AUTS2: variants seen among roughly 807,000 people sequenced by gnomAD.
AUTS2 encodes the protein activator of transcription and developmental regulator AUTS2.
In AUTS2, 17 loss-of-function variants were observed where a neutral mutation model predicts 112.4. The observed-to-expected ratio is 0.15, with a 90% CI of 0.10 to 0.23. AUTS2 has a LOEUF of 0.23. AUTS2 is among the 10% of genes least tolerant of loss of function. AUTS2 has a pLI of 1.00. For synonymous variants in AUTS2, 751 were observed against 702.7 expected (o/e 1.07, Z -1.09); for missense variants, 1,510 against 1,701.6 (o/e 0.89, Z 1.98).
At chr7:70,554,393 C>CTTTTTTTTTT (rs34757734) in intron 5 of AUTS2, among the ~76,000 whole-genome samples, 23 of 116,048 alleles carry the variant, frequency 2.0e-4, no homozygotes, top group East Asian at 4.9e-4. Flanking sequence ...TCTTTTCTTT[C>CTTTTTTTTTT]TTTTTTTTTT....
chr7:70,109,765 TATG>T (rs2129571140), intron 2 of AUTS2, among the ~76,000 whole-genome samples: 2 of 152,284 alleles, frequency 1.3e-5, no homozygotes, highest in East Asian at 3.9e-4. Flanking sequence ...AGGAGGTTAT[TATG>T]GGGCATGTCC....
At chr7:70,500,564 G>T (rs541471580) in intron 5 of AUTS2, among the ~76,000 whole-genome samples, 13 of 152,184 alleles carry the variant, frequency 8.5e-5, no homozygotes, top group Non-Finnish European at 1.3e-4. Flanking sequence ...CCATTCAGGG[G>T]CGGGATGAAG....
rs535763535 is a variant in AUTS2 at position 70,071,274 on chromosome 7, G to A, written c.523-46858G>A. Among the ~76,000 whole-genome samples, 894 of 152,238 alleles carry A rather than the reference G, an allele frequency of 5.9e-3. 2 individuals are homozygous for A. Among genetic ancestry groups the A allele is most frequent in the Admixed American group, 0.011 (166 of 15,290 alleles). On this transcript the variant is annotated intron_variant, in intron 2 of 18. Coordinates refer to ENST00000342771, the MANE Select transcript of AUTS2 (RefSeq NM_015570.4). Reference sequence around the variant, plus strand: ...CCTCTTCCTCAGTAGCTGCTTCTCTGTAGGGCTGGAGGGAAAGAGAGTCTT... The same window carrying A: ...CCTCTTCCTCAGTAGCTGCTTCTCTATAGGGCTGGAGGGAAAGAGAGTCTT...
intron 1 of AUTS2, among the ~76,000 whole-genome samples, chr7:69,625,916 A>T (rs1468334458): frequency 6.6e-6 from 1 of 152,092 alleles, no homozygotes; most frequent in East Asian, 1.9e-4. Context: ...AAAGAATGAC[A>T]ATGGAACATA....
chr7:69,667,786 G>A (rs1031263017), intron 1 of AUTS2, among the ~76,000 whole-genome samples: 4 of 152,144 alleles, frequency 2.6e-5, no homozygotes, highest in African/African-American at 9.7e-5. Context: ...TCCCAATCCA[G>A]TAGCGGCAAT....
chr7:70,626,041 T>C (rs1804923344), intron 5 of AUTS2, among the ~76,000 whole-genome samples: 1 of 152,024 alleles, frequency 6.6e-6, no homozygotes, highest in East Asian at 2.0e-4. Flanking sequence ...GCCTCCTGAG[T>C]AGCTGGGACT....
chr7:70,383,877 C>T (rs1277146564), intron 4 of AUTS2, among the ~76,000 whole-genome samples: 1 of 152,216 alleles, frequency 6.6e-6, no homozygotes, highest in African/African-American at 2.4e-5. Context: ...GACAAAATAC[C>T]TAACCACCAT....
At chr7:70,031,344 A>C (rs1800768607) in intron 2 of AUTS2, among the ~76,000 whole-genome samples, 1 of 152,190 alleles carries the variant, frequency 6.6e-6, no homozygotes, top group African/African-American at 2.4e-5. Flanking sequence ...GTTAAGCTAA[A>C]GTGAAGTTCA....
intron 2 of AUTS2, among the ~76,000 whole-genome samples, chr7:69,914,582 G>T (rs926936560): frequency 1.8e-4 from 28 of 152,022 alleles, no homozygotes; most frequent in African/African-American, 6.8e-4. Context: ...TCTTCCCAGG[G>T]TTGTAGCCTG....
intron 4 of AUTS2, among the ~76,000 whole-genome samples, chr7:70,278,321 A>G (rs879524361): frequency 2.0e-5 from 3 of 152,132 alleles, no homozygotes; most frequent in Non-Finnish European, 2.9e-5. Context: ...GCTCACGCCT[A>G]TAATCCCAGC....
chr7:69,853,069 A>G (rs1321843586), intron 1 of AUTS2, among the ~76,000 whole-genome samples: 2 of 151,756 alleles, frequency 1.3e-5, no homozygotes, highest in African/African-American at 4.8e-5. Context: ...GGTCTATGTT[A>G]TTTGTTCTGA....
intron 4 of AUTS2, among the ~76,000 whole-genome samples, chr7:70,224,432 G>T (rs906644324): frequency 2.6e-5 from 4 of 151,610 alleles, no homozygotes; most frequent in African/African-American, 9.7e-5. Flanking sequence ...TTTAATAAAA[G>T]AAAGGTTATA....
At chr7:70,311,330 C>T (rs1442153260) in intron 4 of AUTS2, among the ~76,000 whole-genome samples, 1 of 152,174 alleles carries the variant, frequency 6.6e-6, no homozygotes, top group African/African-American at 2.4e-5. Context: ...GACAGTTTTG[C>T]CATTATTATT....
intron 5 of AUTS2, among the ~76,000 whole-genome samples, chr7:70,495,733 A>T (rs374357303): frequency 1.8e-5 from 2 of 114,238 alleles, no homozygotes; most frequent in African/African-American, 7.1e-5. Context: ...CACACGTCAC[A>T]TCAGCATCGA....
chr7:70,180,944 C>T (rs1392403254), intron 4 of AUTS2, among the ~76,000 whole-genome samples: 1 of 152,152 alleles, frequency 6.6e-6, no homozygotes, highest in Admixed American at 6.5e-5. Context: ...CATTTACCCA[C>T]CACCCAGCTT....
chr7:69,887,501 T>C (rs1794329769), intron 1 of AUTS2, among the ~76,000 whole-genome samples: 1 of 150,652 alleles, frequency 6.6e-6, no homozygotes, highest in Admixed American at 6.6e-5. Flanking sequence ...AGAGAAGTAA[T>C]CATTTTACAC....
chr7:69,691,321 A>T (rs1379636347), intron 1 of AUTS2, among the ~76,000 whole-genome samples: 3 of 151,912 alleles, frequency 2.0e-5, no homozygotes, highest in Non-Finnish European at 4.4e-5. Context: ...CCGCCCAGGA[A>T]CCTGTCTGCC....
intron 5 of AUTS2, among the ~76,000 whole-genome samples, chr7:70,599,030 C>T (rs34248312): frequency 0.035 from 5,261 of 152,304 alleles, 121 homozygotes; most frequent in Middle Eastern, 0.12. Context: ...GTGGCCACCA[C>T]CCTGCCTCTA....
chr7:70,255,383 T>C (rs969001461), intron 4 of AUTS2, among the ~76,000 whole-genome samples: 4 of 152,168 alleles, frequency 2.6e-5, no homozygotes, highest in African/African-American at 9.7e-5. Context: ...CGAAATTACC[T>C]TTAAAAAGGT....
Sources: gnomAD v4.1 joint callset for allele counts (sites outside exome capture counted in the v4.1 genomes callset) on GRCh38, gnomAD v4.1.1 for gene constraint, MANE v1.5 for transcripts, NCBI Gene and HGNC (gene_info 2026-07-23, HGNC 2026-07-21) for gene names.